SCAMP1: variants seen among roughly 807,000 people sequenced by gnomAD.
SCAMP1 encodes secretory carrier membrane protein 1.
A neutral mutation model predicts 41.8 loss-of-function variants in SCAMP1; 15 were observed. The ratio of observed to expected loss-of-function variants is 0.36; its 90% confidence interval spans 0.24 to 0.55. SCAMP1 has a LOEUF of 0.55. Ranked by LOEUF, SCAMP1 falls within the 20% of genes least tolerant of loss-of-function variation. The pLI is 0.86. For synonymous variants in SCAMP1, 135 were observed against 136.8 expected (o/e 0.99, Z 0.09); for missense variants, 341 against 412.6 (o/e 0.83, Z 1.50).
chr5:78,391,596 A>G (rs1355284606), intron 2 of SCAMP1, among the ~76,000 whole-genome samples: 1 of 151,334 alleles, frequency 6.6e-6, no homozygotes, highest in Non-Finnish European at 1.5e-5. Context: ...CTCACTTCCC[A>G]CACGGGGTGG....
At position 78,460,801 on chromosome 5, in the gene SCAMP1, CTTCCTCCCTTCCTTCCTTCCTTTCT is replaced by C. The variant is rs1440581270; in HGVS notation, c.852+1441_852+1465del. On this transcript the variant is annotated intron_variant, in intron 8 of 8. Transcript: ENST00000621999. ...CCTTCCTTCCTTCCTTCCTTCCTTC[CTTCCTCCCTTCCTTCCTTCCTTTCT>C]TGTCTTTCCTCTATCTGTCTCTCTT... 1.3e-3 allele frequency among the ~76,000 whole-genome samples: 85 copies of C among 67,318 alleles called. 6 individuals carry two copies. Among genetic ancestry groups the C allele is most frequent in the African/African-American group, 7.5e-3 (77 of 10,244 alleles). 44.2% of individuals were successfully genotyped at this position (67,318 alleles called of 152,430 possible).
At chr5:78,474,071 A>T (rs1753947711) in intron 8 of SCAMP1, among the ~76,000 whole-genome samples, 1 of 152,002 alleles carries the variant, frequency 6.6e-6, no homozygotes, top group African/African-American at 2.4e-5. Flanking sequence ...AAAAAAAAAA[A>T]AAAGTTCTTT....
intron 1 of SCAMP1, among the ~76,000 whole-genome samples, chr5:78,385,442 A>C (rs529893392): frequency 6.6e-6 from 1 of 151,588 alleles, no homozygotes; most frequent in East Asian, 1.9e-4. Context: ...TTTCTATTTC[A>C]TTTAGTTCTG....
intron 2 of SCAMP1, among the ~76,000 whole-genome samples, chr5:78,406,483 A>G (rs926397618): frequency 1.3e-5 from 2 of 152,232 alleles, no homozygotes; most frequent in South Asian, 2.1e-4. Context: ...TTGCTTATGC[A>G]TGACAAAGAC....
At chr5:78,458,664 G>A (rs773285162) in intron 7 of SCAMP1, among the ~76,000 whole-genome samples, 7 of 152,142 alleles carry the variant, frequency 4.6e-5, no homozygotes, top group Non-Finnish European at 2.9e-5. Flanking sequence ...GGTGGATCAC[G>A]AGGTCAGGAG....
chr5:78,435,757 G>A (rs1301399841), intron 6 of SCAMP1, among the ~76,000 whole-genome samples: 3 of 152,098 alleles, frequency 2.0e-5, no homozygotes, highest in Non-Finnish European at 4.4e-5. Context: ...GGGATGGCTG[G>A]GTCAAATGGT....
intron 4 of SCAMP1, 29 bp from the exon 5 acceptor site, chr5:78,418,746 C>T: frequency 7.5e-7 from 1 of 1,338,392 alleles, no homozygotes; most frequent in Non-Finnish European, 1.0e-6. Flanking sequence ...ATATAAATAA[C>T]CTTTTCTTTT....
At chr5:78,370,065 GA>G (rs1410461432) in intron 1 of SCAMP1, among the ~76,000 whole-genome samples, 2 of 152,196 alleles carry the variant, frequency 1.3e-5, no homozygotes, top group Non-Finnish European at 2.9e-5. Flanking sequence ...CAATCTCTGT[GA>G]AACCTGGCGT....
At chr5:78,460,095 T>A (rs1753546697) in intron 8 of SCAMP1, among the ~76,000 whole-genome samples, 1 of 152,236 alleles carries the variant, frequency 6.6e-6, no homozygotes. Flanking sequence ...TTTCATTTTT[T>A]AGGTGGTGTA....
At position 78,475,733 on chromosome 5, in the gene SCAMP1, A is replaced by G. The variant is rs1207362092; in HGVS notation, c.*65A>G. 7.9e-7 allele frequency: 1 copy of G among 1,272,032 alleles called. No individual in the cohort carries two copies. The highest frequency in any genetic ancestry group is 1.5e-5 in the African/African-American group (1 of 66,134). The allele number at this position is 1,272,032 out of a possible 1,614,324, so 78.8% of individuals were successfully genotyped here. A position where few individuals can be genotyped will look rare whatever the true frequency, so the allele number is the denominator to read the frequency against. ...TTTTTCTCCAGTTACTGTATTCTAC[A>G]AATATTTTTATGTTCAAAACACACA... On this transcript the variant is annotated 3_prime_UTR_variant, in exon 9 of 9. Coordinates refer to ENST00000621999, the MANE Select transcript of SCAMP1 (RefSeq NM_004866.6).
At chr5:78,414,984 T>TG (rs1386560377) in intron 2 of SCAMP1, among the ~76,000 whole-genome samples, 1 of 151,398 alleles carries the variant, frequency 6.6e-6, no homozygotes, top group Non-Finnish European at 1.5e-5. Flanking sequence ...GATGGAGTCT[T>TG]GCTCTGTTGC....
Position 78,475,521 on chromosome 5 carries a change from C to T in SCAMP1, c.870C>T (p.Arg290=), listed in dbSNP as rs1336656669. Residue 290 remains arginine, a synonymous_variant, in exon 9 of 9, where the codon CGC becomes CGT. Transcript: ENST00000621999. ...VMFKKVHGLY[R]TTGASFEKAQ... is the part of the protein sequence containing the mutation. ...CTCTGTAGGTACATGGACTATATCG[C>T]ACAACAGGTGCTAGTTTTGAGAAGG... 1 of 1,608,818 alleles carries T rather than the reference C, an allele frequency of 6.2e-7. No homozygotes were observed. The highest frequency in any genetic ancestry group is 1.7e-5 in the Admixed American group (1 of 58,534).
intron 6 of SCAMP1, 107 bp downstream of exon 6, chr5:78,422,067 A>G (rs1286565839): frequency 3.3e-5 from 32 of 960,088 alleles, no homozygotes; most frequent in Non-Finnish European, 4.3e-5. Context: ...AAATTCTTGT[A>G]TTGTTGTGTA....
chr5:78,370,758 T>A (rs1750924207), intron 1 of SCAMP1: 1 of 152,204 alleles, frequency 6.6e-6, no homozygotes, highest in South Asian at 2.1e-4. Context: ...TTCCAGACCC[T>A]TTTCCAAAGT....
intron 7 of SCAMP1, among the ~76,000 whole-genome samples, chr5:78,457,563 C>A (rs913379889): frequency 6.6e-6 from 1 of 152,184 alleles, no homozygotes; most frequent in African/African-American, 2.4e-5. Context: ...CAGCTGCGTG[C>A]TGGGAGAACC....
chr5:78,422,642 C>T lies in SCAMP1; in HGVS notation c.632+682C>T, dbSNP rs187442792. 2.0e-3 allele frequency among the ~76,000 whole-genome samples: 305 copies of T among 151,540 alleles called. 1 individual carries two copies. The highest frequency in any genetic ancestry group is 6.9e-3 in the African/African-American group (283 of 40,870). ...TAAGGTTAAGCAAGTTTCTTCATTT[C>T]AGGATTTCTTACACTCTTTAAGTAC... On this transcript the variant is annotated intron_variant, in intron 6 of 8. Coordinates refer to ENST00000621999, the MANE Select transcript of SCAMP1 (RefSeq NM_004866.6).
intron 8 of SCAMP1, among the ~76,000 whole-genome samples, chr5:78,474,540 T>G (rs1289690900): frequency 6.6e-6 from 1 of 152,212 alleles, no homozygotes; most frequent in African/African-American, 2.4e-5. Context: ...TTGAGAATCT[T>G]TGACTCATTC....
chr5:78,365,998 T>C (rs1035208662), intron 1 of SCAMP1, among the ~76,000 whole-genome samples: 5 of 152,170 alleles, frequency 3.3e-5, no homozygotes, highest in Non-Finnish European at 5.9e-5. Flanking sequence ...AGAAATTTAT[T>C]GCCCAGAACT....
rs1184921487 is a variant in SCAMP1 at position 78,407,782 on chromosome 5, C to T, written c.136-7738C>T. On this transcript the variant is annotated intron_variant, in intron 2 of 8. Coordinates refer to ENST00000621999, the MANE Select transcript of SCAMP1 (RefSeq NM_004866.6). ...TATTATTTCATCTTTGTGTAGTTTGCTGTTCAACTTGTCTATTAAATTTAT... is the reference window on the plus strand; with the variant it reads ...TATTATTTCATCTTTGTGTAGTTTGTTGTTCAACTTGTCTATTAAATTTAT... Among the ~76,000 whole-genome samples the T allele has an allele frequency of 7.9e-5, 12 of 151,888 alleles. No individual in the cohort carries two copies. The East Asian group carries it at 2.3e-3, about 29-fold the overall frequency.
Sources: gnomAD v4.1 joint callset for allele counts (sites outside exome capture counted in the v4.1 genomes callset) on GRCh38, gnomAD v4.1.1 for gene constraint, MANE v1.5 for transcripts, NCBI Gene and HGNC (gene_info 2026-07-23, HGNC 2026-07-21) for gene names.